Variants in PXK observed in about 807,000 individuals in gnomAD.
PXK encodes the protein PX domain-containing protein kinase-like protein.
A neutral mutation model predicts 84.7 loss-of-function variants in PXK; 35 were observed. That is an observed-to-expected ratio of 0.41 (90% CI 0.32 to 0.55). The LOEUF is 0.55. Ranked by LOEUF, PXK falls within the 20% of genes least tolerant of loss-of-function variation. The pLI, the probability that PXK is intolerant of heterozygous loss-of-function variation, is 0.21. For missense variants in PXK, 634 were observed against 699.7 expected, an observed-to-expected ratio of 0.91 and a Z score of 1.06; for synonymous variants, 253 against 260.8, an observed-to-expected ratio of 0.97 and a Z score of 0.29.
chr3:58,412,942 C>T lies in PXK; in HGVS notation c.1507C>T (p.Pro503Ser). The T allele has an allele frequency of 6.2e-7, 1 of 1,614,188 alleles. No homozygotes were observed. Among genetic ancestry groups the T allele is most frequent in the South Asian group, 1.1e-5 (1 of 91,084 alleles). The change falls in exon 17 of 18, where the codon CCA becomes TCA. Residue 503 changes from proline (P) to serine (S), a missense_variant. Transcript: ENST00000356151. This position sits in a 1 kb window ranked among gnomAD's most constrained non-coding sequence, Gnocchi z 6.2. ...ASSPLTSPSS[P>S]TPPSTSGISA... is the part of the protein sequence containing the mutation. ...CTCACCTCTCACGTCCCCGTCATCG[C>T]CAACTCCACCCTCTACATCAGGTTA...
intron 1 of PXK, among the ~76,000 whole-genome samples, chr3:58,363,663 A>G (rs1216433176): frequency 1.1e-4 from 16 of 152,064 alleles, no homozygotes; most frequent in Non-Finnish European, 1.5e-5. Context: ...ATCCCTTGGG[A>G]TTTTCTACAT....
At chr3:58,384,858 A>AT (rs899260245) in intron 4 of PXK, among the ~76,000 whole-genome samples, 1 of 152,188 alleles carries the variant, frequency 6.6e-6, no homozygotes, top group African/African-American at 2.4e-5. Flanking sequence ...CCAGAAGTAC[A>AT]TTGAGTCCCA....
Position 58,398,317 on chromosome 3 carries a change from C to G in PXK, c.1102+595C>G, listed in dbSNP as rs2058035348. Among the ~76,000 whole-genome samples the G allele has an allele frequency of 6.6e-6, 1 of 152,188 alleles. No homozygotes were observed. Among genetic ancestry groups the G allele is most frequent in the Non-Finnish European group, 1.5e-5 (1 of 68,036 alleles). ...TTGGGAGGCTGAGGCACGAGAATTG[C>G]TTGAACCCGCCTCTTGGGAGGTGGA... On this transcript the variant is annotated intron_variant, in intron 11 of 17. Coordinates refer to ENST00000356151, the MANE Select transcript of PXK (RefSeq NM_017771.5). The surrounding 1 kb of genome is among the most constrained non-coding windows in gnomAD (Gnocchi z 4.5).
intron 1 of PXK, among the ~76,000 whole-genome samples, chr3:58,354,631 T>A (rs1420649342): frequency 6.6e-6 from 1 of 151,900 alleles, no homozygotes; most frequent in African/African-American, 2.4e-5. Flanking sequence ...GTATCTTCAG[T>A]AGAGATGGGG....
intron 3 of PXK, among the ~76,000 whole-genome samples, chr3:58,369,923 C>G (rs181968375): frequency 2.0e-5 from 3 of 151,210 alleles, no homozygotes; most frequent in Admixed American, 2.0e-4. Flanking sequence ...ATACTTTATA[C>G]AGATGATGTA....
chr3:58,349,928 T>C (rs746497224), intron 1 of PXK, among the ~76,000 whole-genome samples: 5 of 152,090 alleles, frequency 3.3e-5, no homozygotes, highest in Non-Finnish European at 5.9e-5. Flanking sequence ...GCCATTGGGG[T>C]TTTGTGACTA....
Position 58,409,063 on chromosome 3 carries a change from A to G in PXK, c.1308+62A>G. The G allele has an allele frequency of 7.8e-7, 1 of 1,274,740 alleles. No homozygotes were observed. The highest frequency in any genetic ancestry group is 1.2e-5 in the South Asian group (1 of 80,984). The allele number at this position is 1,274,740 out of a possible 1,614,324, so 79.0% of individuals were successfully genotyped here. On this transcript the variant is annotated intron_variant, in intron 14 of 17. Transcript: ENST00000356151. The surrounding 1 kb of genome is among the most constrained non-coding windows in gnomAD (Gnocchi z 4.2). ...CCCCATCCTCTGCCGTGGTTTTTAT[A>G]GTGATTGACCTTTGACTGTTCCCTC...
intron 3 of PXK, among the ~76,000 whole-genome samples, chr3:58,376,383 C>G (rs1206020279): frequency 5.9e-5 from 9 of 151,896 alleles, no homozygotes; most frequent in East Asian, 1.9e-4. Context: ...TCATTGCACT[C>G]CAGCCTGGGT....
In PXK at chr3:58,364,015, G is replaced by T. The variant is rs972538812; in HGVS notation, c.103-1859G>T. Among the ~76,000 whole-genome samples the T allele has an allele frequency of 6.6e-6, 1 of 152,108 alleles. No homozygotes were observed. The highest frequency in any genetic ancestry group is 2.4e-5 in the African/African-American group (1 of 41,408). Reference sequence around the variant, plus strand: ...ACGATCACATGATTTTTCTTGATTAGCCTGTTAATATGGCAGATTACATCG... The same window carrying T: ...ACGATCACATGATTTTTCTTGATTATCCTGTTAATATGGCAGATTACATCG... On this transcript the variant is annotated intron_variant, in intron 1 of 17. Transcript: ENST00000356151. This position sits in a 1 kb window ranked among gnomAD's most constrained non-coding sequence, Gnocchi z 4.3.
Position 58,334,812 on chromosome 3 carries a change from A to G in PXK, c.102+1722A>G, listed in dbSNP as rs1045593264. 3.3e-5 allele frequency among the ~76,000 whole-genome samples: 5 copies of G among 152,180 alleles called. No homozygotes were observed. The East Asian group carries it at 7.7e-4, about 23-fold the overall frequency. ...TAAATAATCCAACTTCAACCTTACTATGCCTCTTTTTCTGTTTATGTAAAA... is the reference window on the plus strand; with the variant it reads ...TAAATAATCCAACTTCAACCTTACTGTGCCTCTTTTTCTGTTTATGTAAAA... On this transcript the variant is annotated intron_variant, in intron 1 of 17. Transcript: ENST00000356151.
At position 58,382,592 on chromosome 3, in the gene PXK, A is replaced by G. The variant is rs1478514723; in HGVS notation, c.280A>G (p.Lys94Glu). ...TCGTGAATTCATAGCTGAAAGGCAGAAAGGTCTTCAGAACTATCTCAACGT... is the reference window on the plus strand; with the variant it reads ...TCGTGAATTCATAGCTGAAAGGCAGGAAGGTCTTCAGAACTATCTCAACGT... The part of the protein sequence containing the change: ...MDREFIAERQ[K>E]GLQNYLNVIT... Residue 94 changes from lysine to glutamate, a missense_variant, in exon 4 of 18, where the codon AAA becomes GAA. Transcript: ENST00000356151. 6.2e-7 allele frequency: 1 copy of G among 1,608,350 alleles called. No individual in the cohort carries two copies.
In PXK at chr3:58,425,978, ATC is replaced by A. The variant is rs1276500421; in HGVS notation, c.*1020_*1021del. ...ATGTCATTGTGTATAGTTTCATGTA[ATC>A]TGTTATGTCAGCTGTATTTTTTATT... On this transcript the variant is annotated 3_prime_UTR_variant, in exon 18 of 18. Transcript: ENST00000356151. The A allele has an allele frequency of 2.0e-5, 3 of 152,202 alleles. No homozygotes were observed. Among genetic ancestry groups the A allele is most frequent in the South Asian group, 4.1e-4 (2 of 4,826 alleles). 9.4% of individuals were successfully genotyped at this position (152,202 alleles called of 1,614,324 possible).
At chr3:58,388,335 A>G (rs992455843) in intron 4 of PXK, among the ~76,000 whole-genome samples, 5 of 152,198 alleles carry the variant, frequency 3.3e-5, no homozygotes, top group African/African-American at 4.8e-5. Flanking sequence ...TACAGTAGAT[A>G]TTGCTGAATA....
intron 1 of PXK, among the ~76,000 whole-genome samples, chr3:58,345,336 T>C (rs1267764504): frequency 6.6e-6 from 1 of 152,188 alleles, no homozygotes; most frequent in Non-Finnish European, 1.5e-5. Flanking sequence ...GTACAGACTC[T>C]CTGGAAGTTA....
At chr3:58,413,290 C>T (rs539366852) in intron 17 of PXK, 11 of 335,884 alleles carry the variant, frequency 3.3e-5, no homozygotes, top group Non-Finnish European at 5.6e-5. Flanking sequence ...AACACAAATG[C>T]GCCGTGGCCC....
chr3:58,384,326 A>C (rs2098532933), intron 4 of PXK, among the ~76,000 whole-genome samples: 2 of 152,200 alleles, frequency 1.3e-5, no homozygotes, highest in African/African-American at 4.8e-5. Flanking sequence ...TCACGCTAGG[A>C]TGTACCTGCC....
chr3:58,361,614 A>C (rs2098189122), intron 1 of PXK, among the ~76,000 whole-genome samples: 2 of 152,206 alleles, frequency 1.3e-5, no homozygotes, highest in Non-Finnish European at 2.9e-5. Context: ...TAACCTTTCA[A>C]GATTGCTTTT....
Position 58,333,180 on chromosome 3 carries a change from G to C in PXK, c.102+90G>C, listed in dbSNP as rs1444942064. 4 of 761,894 alleles carry C rather than the reference G, an allele frequency of 5.3e-6. No homozygotes were observed. Among genetic ancestry groups the C allele is most frequent in the South Asian group, 5.7e-5 (1 of 17,568 alleles). The allele number at this position is 761,894 out of a possible 1,614,324, so 47.2% of individuals were successfully genotyped here. A position where few individuals can be genotyped will look rare whatever the true frequency, so the allele number is the denominator to read the frequency against. On this transcript the variant is annotated intron_variant, in intron 1 of 17. Transcript: ENST00000356151. This position sits in a 1 kb window ranked among gnomAD's most constrained non-coding sequence, Gnocchi z 5.4. ...TGCCTGGCGCGGGCCGGGCAGGGTC[G>C]TCGGACGGAGACCGGGCCACAGGGT... is the stretch of plus-strand genomic sequence containing the variant.
At chr3:58,404,308 A>T (rs1361847821) in intron 13 of PXK, among the ~76,000 whole-genome samples, 1 of 152,170 alleles carries the variant, frequency 6.6e-6, no homozygotes, top group Admixed American at 6.5e-5. Flanking sequence ...TGTTCCTACA[A>T]TATTAGCTGT....
Sources: gnomAD v4.1 joint callset for allele counts (sites outside exome capture counted in the v4.1 genomes callset) on GRCh38, gnomAD v4.1.1 for gene constraint, Gnocchi (gnomAD v3.1) non-coding constraint, MANE v1.5 for transcripts, NCBI Gene and HGNC (gene_info 2026-07-23, HGNC 2026-07-21) for gene names.